Variants in DNAH14 observed in about 807,000 individuals in gnomAD.
DNAH14 encodes the protein dynein axonemal heavy chain 14, also known as axonemal beta dynein heavy chain 14.
In DNAH14, 478 loss-of-function variants were observed where a neutral mutation model predicts 520.9. The observed-to-expected ratio is 0.92, with a 90% CI of 0.85 to 0.99. The LOEUF is 0.99. Ranked by LOEUF, DNAH14 falls within the 50% of genes least tolerant of loss-of-function variation. The probability of loss-of-function intolerance (pLI) is 0.00; values close to 1 mark genes in which losing one functional copy is unlikely to be tolerated. For synonymous variants in DNAH14, 1,581 were observed against 1,757.2 expected, an observed-to-expected ratio of 0.90 and a Z score of 2.51; for missense variants, 4,831 against 5,234.5, an observed-to-expected ratio of 0.92 and a Z score of 2.38.
chr1:225,043,653 G>C, intron 13 of DNAH14, 91 bp from the exon 14 acceptor site: 1 of 939,618 alleles, frequency 1.1e-6, no homozygotes, highest in South Asian at 1.5e-5. Context: ...TAGGATATGT[G>C]TAAAGCACTG....
chr1:224,948,429 T>TATATACCAG, intron 1 of DNAH14, among the ~76,000 whole-genome samples: 1 of 151,940 alleles, frequency 6.6e-6, no homozygotes, highest in Admixed American at 6.6e-5. Context: ...GGTATATCTC[T>TATATACCAG]TTCCTGTACT....
chr1:225,308,548 C>A, intron 60 of DNAH14, 138 bp downstream of exon 60: 1 of 887,480 alleles, frequency 1.1e-6, no homozygotes, highest in Non-Finnish European at 1.7e-6. Flanking sequence ...GTAATTCCAA[C>A]AACTATTTAT....
rs1480109 is a variant in DNAH14, at chr1:225,203,474, A to G, written c.5887-709A>G. On this transcript the variant is annotated intron_variant, in intron 38 of 85. Transcript: ENST00000682510. Reference sequence around the variant, plus strand: ...TACACTGTGCCCCCAGCATAGCTCTATTATTTGGTTTTCTCCCTGACTACT... The same window carrying G: ...TACACTGTGCCCCCAGCATAGCTCTGTTATTTGGTTTTCTCCCTGACTACT... 3.0e-3 allele frequency among the ~76,000 whole-genome samples: 460 copies of G among 152,214 alleles called. 3 individuals are homozygous for G. Among genetic ancestry groups the G allele is most frequent in the East Asian group, 0.027 (140 of 5,162 alleles).
intron 71 of DNAH14, among the ~76,000 whole-genome samples, chr1:225,349,910 G>A (rs1359131859): frequency 6.6e-6 from 1 of 152,130 alleles, no homozygotes; most frequent in East Asian, 1.9e-4. Context: ...AAGGTCATAA[G>A]GAAATAGAGG....
intron 31 of DNAH14, among the ~76,000 whole-genome samples, chr1:225,151,110 A>G (rs565246206): frequency 5.9e-5 from 9 of 152,224 alleles, no homozygotes; most frequent in Non-Finnish European, 1.2e-4. Flanking sequence ...CTCTGTAATA[A>G]CAGTATTTAT....
chr1:224,961,517 A>G (rs1390782167), intron 4 of DNAH14, among the ~76,000 whole-genome samples: 10 of 152,174 alleles, frequency 6.6e-5, no homozygotes, highest in Admixed American at 6.6e-4. Flanking sequence ...GCAAAGGAGA[A>G]GCAGGCACCT....
At chr1:225,241,188 A>T (rs1175881205) in intron 43 of DNAH14, among the ~76,000 whole-genome samples, 1 of 150,994 alleles carries the variant, frequency 6.6e-6, no homozygotes, top group Non-Finnish European at 1.5e-5. Flanking sequence ...TTTTAAAAAA[A>T]TCCAAATTAT....
At chr1:225,145,457 C>A in intron 30 of DNAH14, 78 bp downstream of exon 30, 5 of 1,172,092 alleles carry the variant, frequency 4.3e-6, no homozygotes, top group South Asian at 1.8e-5. Flanking sequence ...AATAAAAGAA[C>A]AAGAAAAATA....
Position 225,274,997 on chromosome 1 carries a change from A to G in DNAH14, c.8011-917A>G, listed in dbSNP as rs373141139. ...CTTTAATCTTAATTCATAACACCCT[A>G]TGATATAGGTCCTGTTATTATCCTG... On this transcript the variant is annotated intron_variant, in intron 52 of 85. Coordinates refer to ENST00000682510, the MANE Select transcript of DNAH14 (RefSeq NM_001367479.1). Among the ~76,000 whole-genome samples the G allele has an allele frequency of 1.9e-4, 29 of 152,330 alleles. No homozygotes were observed. In the East Asian group the frequency reaches 4.6e-3, roughly 24 times the overall value.
intron 54 of DNAH14, among the ~76,000 whole-genome samples, chr1:225,279,099 C>T (rs2093565699): frequency 6.6e-6 from 1 of 152,160 alleles, no homozygotes. Context: ...TGGGTTCAAG[C>T]AATTCTCCTA....
intron 55 of DNAH14, among the ~76,000 whole-genome samples, chr1:225,291,017 T>G (rs2093876780): frequency 6.6e-6 from 1 of 151,938 alleles, no homozygotes; most frequent in South Asian, 2.1e-4. Context: ...TCCCTCCCTA[T>G]CCTTCTCTCC....
chr1:225,106,824 A>G (rs998051020), intron 23 of DNAH14, among the ~76,000 whole-genome samples: 4 of 151,908 alleles, frequency 2.6e-5, no homozygotes, highest in Non-Finnish European at 4.4e-5. Flanking sequence ...CATTGGTTCT[A>G]CCTTCCTCCT....
chr1:225,377,152 A>C, intron 78 of DNAH14, 85 bp from the exon 79 acceptor site: 1 of 1,065,062 alleles, frequency 9.4e-7, no homozygotes, highest in South Asian at 2.3e-5. Context: ...TACTGAAAGT[A>C]GGTATCTTAC....
chr1:224,929,731 C>G lies in DNAH14; in HGVS notation c.-138C>G. The G allele has an allele frequency of 1.4e-6, 1 of 702,390 alleles. No individual in the cohort carries two copies. 43.5% of individuals were successfully genotyped at this position (702,390 alleles called of 1,614,324 possible). A position where few individuals can be genotyped will look rare whatever the true frequency, so the allele number is the denominator to read the frequency against. On this transcript the variant is annotated 5_prime_UTR_variant, in exon 1 of 86. Transcript: ENST00000682510. ...CCTGGCGTGGTAGGGCTGTGCTGCG[C>G]GGTCCTTCCCATTCACCCTAGTCTG... is the stretch of plus-strand genomic sequence containing the variant.
chr1:224,987,993 AC>A (rs2062765001), intron 8 of DNAH14, among the ~76,000 whole-genome samples: 1 of 152,022 alleles, frequency 6.6e-6, no homozygotes, highest in Non-Finnish European at 1.5e-5. Flanking sequence ...GCACCTATCA[AC>A]CCACCACCTA....
Position 225,335,348 on chromosome 1 carries a change from T to TGCAC in DNAH14, c.10080+1842_10080+1843insGCAC, listed in dbSNP as rs1491415261. Among the ~76,000 whole-genome samples the TGCAC allele has an allele frequency of 5.3e-3, 375 of 70,822 alleles. 36 individuals are homozygous for TGCAC. The highest frequency in any genetic ancestry group is 0.013 in the East Asian group (24 of 1,818). The allele number at this position is 70,822 out of a possible 152,430, so 46.5% of individuals were successfully genotyped here. ...ATATACACGTGTGTACATGTGTGTGTATATGCATATACACGTGTACATGTG... is the reference window on the plus strand; with the variant it reads ...ATATACACGTGTGTACATGTGTGTGTGCACATATGCATATACACGTGTACATGTG... On this transcript the variant is annotated intron_variant, in intron 66 of 85. Coordinates refer to ENST00000682510, the MANE Select transcript of DNAH14 (RefSeq NM_001367479.1).
intron 8 of DNAH14, among the ~76,000 whole-genome samples, chr1:224,982,165 C>T (rs961962314): frequency 6.6e-6 from 1 of 152,148 alleles, no homozygotes; most frequent in African/African-American, 2.4e-5. Context: ...ATTCCTAGAA[C>T]TACTCTCTTA....
At chr1:225,369,250 A>G (rs2150623261) in intron 77 of DNAH14, among the ~76,000 whole-genome samples, 2 of 152,302 alleles carry the variant, frequency 1.3e-5, no homozygotes, top group Middle Eastern at 3.4e-3. Context: ...GTTATCAGTC[A>G]TTTATTAAGT....
intron 17 of DNAH14, among the ~76,000 whole-genome samples, chr1:225,053,485 A>G (rs1572720268): frequency 1.3e-5 from 2 of 152,130 alleles, no homozygotes; most frequent in African/African-American, 2.4e-5. Flanking sequence ...TGTAATTTGC[A>G]TTTTTGTGTG....
Sources: gnomAD v4.1 joint callset for allele counts (sites outside exome capture counted in the v4.1 genomes callset) on GRCh38, gnomAD v4.1.1 for gene constraint, MANE v1.5 for transcripts, NCBI Gene and HGNC (gene_info 2026-07-23, HGNC 2026-07-21) for gene names.